The following ARHGAP10 variants were observed in gnomAD, a reference collection of about 807,000 sequenced individuals.
ARHGAP10 encodes the protein Rho GTPase activating protein 10, also known as rho GTPase-activating protein 10.
A neutral mutation model predicts 108.6 loss-of-function variants in ARHGAP10; 87 were observed. That is an observed-to-expected ratio of 0.80 (90% CI 0.67 to 0.96). The LOEUF is 0.96. Among genes scored for constraint, ARHGAP10 ranks in the 40% least tolerant of loss-of-function variants. ARHGAP10 has a pLI of 0.00. For synonymous variants in ARHGAP10, 347 were observed against 341.1 expected, an observed-to-expected ratio of 1.02 and a Z score of -0.19; for missense variants, 939 against 954.5, an observed-to-expected ratio of 0.98 and a Z score of 0.21.
intron 18 of ARHGAP10, among the ~76,000 whole-genome samples, chr4:147,985,306 A>C (rs1739995529): frequency 6.6e-6 from 1 of 152,084 alleles, no homozygotes; most frequent in Admixed American, 6.5e-5. Context: ...CAGGCTACTG[A>C]TCCAGGTGAG....
chr4:148,065,229 GAA>G, intron 22 of ARHGAP10: 1 of 152,222 alleles, frequency 6.6e-6, no homozygotes, highest in Non-Finnish European at 1.5e-5. Flanking sequence ...GAGCTCCTCA[GAA>G]GAGTTCCAGG....
chr4:147,931,313 G>A (rs1284887806), intron 13 of ARHGAP10, among the ~76,000 whole-genome samples: 27 of 145,820 alleles, frequency 1.9e-4, no homozygotes, highest in Non-Finnish European at 2.3e-4. Flanking sequence ...TATTAAGAGA[G>A]AAAAAAAAAA....
At chr4:148,017,861 A>C (rs1741410250) in intron 18 of ARHGAP10, among the ~76,000 whole-genome samples, 1 of 152,126 alleles carries the variant, frequency 6.6e-6, no homozygotes, top group Non-Finnish European at 1.5e-5. Context: ...TATTTCTGGC[A>C]GAAGTGGTGT....
At position 148,023,409 on chromosome 4, in the gene ARHGAP10, A is replaced by C. The variant is rs61758693; in HGVS notation, c.1863A>C (p.Glu621Asp). 2,303 of 1,612,572 alleles carry C rather than the reference A, an allele frequency of 1.4e-3. 22 individuals carry two copies. The African/African-American group carries it at 0.024, about 17-fold the overall frequency. The change falls in exon 19 of 23, where the codon GAA becomes GAC. Residue 621 changes from glutamate to aspartate, a missense_variant. Transcript: ENST00000336498. Reference sequence around the variant, plus strand: ...TCTACAATCTTTGTCTGGAGCTGGAAGATGGTAAGATGTTAATGATATTTT... The same window carrying C: ...TCTACAATCTTTGTCTGGAGCTGGACGATGGTAAGATGTTAATGATATTTT... ...VAVYNLCLEL[E>D]DGDNPYPSKE...
At chr4:147,879,961 C>A (rs17024031) in intron 9 of ARHGAP10, among the ~76,000 whole-genome samples, 1 of 152,120 alleles carries the variant, frequency 6.6e-6, no homozygotes. Context: ...GAGTGATCTA[C>A]GATAAATTTT....
At position 147,966,807 on chromosome 4, in the gene ARHGAP10, G is replaced by A; in HGVS notation, c.1684G>A (p.Val562Ile). Residue 562 changes from valine to isoleucine, a missense_variant, in exon 18 of 23, where the codon GTT becomes ATT. Coordinates refer to ENST00000336498, the MANE Select transcript of ARHGAP10 (RefSeq NM_024605.4). ...ALMDLKFQNI[V>I]VEILIENHEK... ...CATGGACTTGAAGTTTCAGAATATT[G>A]TTGTGGAAATCTTAATTGAAAACCA... 1.3e-6 allele frequency: 2 copies of A among 1,584,714 alleles called. No homozygotes were observed. The highest frequency in any genetic ancestry group is 1.7e-6 in the Non-Finnish European group (2 of 1,161,670).
rs928339574 is a variant in ARHGAP10 at position 147,857,507 on chromosome 4, G to A, written c.385-46G>A. The A allele has an allele frequency of 4.3e-6, 6 of 1,392,642 alleles. No individual in the cohort carries two copies. In the African/African-American group the frequency reaches 4.5e-5, roughly 11 times the overall value. 86.3% of individuals were successfully genotyped at this position (1,392,642 alleles called of 1,614,324 possible). ...GAGCTTCCCAGTGGATTAACCATGT[G>A]TATCCTTTTGTTTCTGTTTAATCAT... On this transcript the variant is annotated intron_variant, in intron 4 of 22. Coordinates refer to ENST00000336498, the MANE Select transcript of ARHGAP10 (RefSeq NM_024605.4).
chr4:148,032,897 C>G (rs1023237532), intron 19 of ARHGAP10, among the ~76,000 whole-genome samples: 2 of 152,128 alleles, frequency 1.3e-5, no homozygotes, highest in African/African-American at 4.8e-5. Flanking sequence ...GTGGAAGATT[C>G]AGCAAGTCAA....
At chr4:147,972,759 C>CTT (rs150559095) in intron 18 of ARHGAP10, among the ~76,000 whole-genome samples, 1 of 145,188 alleles carries the variant, frequency 6.9e-6, no homozygotes, top group African/African-American at 2.5e-5. Flanking sequence ...AGTGACATTT[C>CTT]TTTTTTTTTT....
intron 18 of ARHGAP10, among the ~76,000 whole-genome samples, chr4:147,998,729 A>G (rs890049361): frequency 2.0e-5 from 3 of 152,262 alleles, no homozygotes; most frequent in Non-Finnish European, 2.9e-5. Flanking sequence ...GAAAGTCAGC[A>G]GATTCCTAAA....
chr4:147,908,654 T>A (rs1736603628), intron 11 of ARHGAP10, among the ~76,000 whole-genome samples: 1 of 152,362 alleles, frequency 6.6e-6, no homozygotes, highest in African/African-American at 2.4e-5. Context: ...CTGCTGTACT[T>A]ACTTAAATTA....
intron 13 of ARHGAP10, among the ~76,000 whole-genome samples, chr4:147,936,928 C>T (rs1737974551): frequency 6.6e-6 from 1 of 152,184 alleles, no homozygotes; most frequent in Admixed American, 6.5e-5. Flanking sequence ...AGCTCCGCCT[C>T]CTGTCAGATC....
chr4:147,754,803 T>C (rs571298396), intron 1 of ARHGAP10, among the ~76,000 whole-genome samples: 28 of 152,268 alleles, frequency 1.8e-4, no homozygotes, highest in African/African-American at 6.7e-4. Flanking sequence ...TGAAGAAATA[T>C]TAAAATCCGG....
intron 10 of ARHGAP10, among the ~76,000 whole-genome samples, chr4:147,896,929 T>G (rs947108552): frequency 6.6e-6 from 1 of 152,168 alleles, no homozygotes; most frequent in African/African-American, 2.4e-5. Flanking sequence ...TTTTTCTACT[T>G]AAGTATTCTT....
chr4:147,836,225 A>C (rs761242071), intron 3 of ARHGAP10, among the ~76,000 whole-genome samples: 2 of 152,210 alleles, frequency 1.3e-5, no homozygotes, highest in African/African-American at 2.4e-5. Flanking sequence ...TTGGTGATAC[A>C]TTGACCTTTT....
intron 10 of ARHGAP10, among the ~76,000 whole-genome samples, chr4:147,900,126 T>C (rs1484579287): frequency 2.0e-5 from 3 of 152,182 alleles, no homozygotes; most frequent in Non-Finnish European, 4.4e-5. Context: ...CATGGTTTGA[T>C]AGAGCTATAG....
intron 1 of ARHGAP10, among the ~76,000 whole-genome samples, chr4:147,792,023 C>G (rs561729335): frequency 6.6e-6 from 1 of 152,314 alleles, no homozygotes; most frequent in Non-Finnish European, 1.5e-5. Flanking sequence ...GTGCGTTTCT[C>G]TGGGGACATC....
In ARHGAP10 at chr4:147,915,661, C is replaced by G. The variant is rs558489459; in HGVS notation, c.1228+2522C>G. Among the ~76,000 whole-genome samples, 11 of 152,178 alleles carry G rather than the reference C, an allele frequency of 7.2e-5. No individual in the cohort carries two copies. In the East Asian group the frequency reaches 2.1e-3, roughly 29 times the overall value. On this transcript the variant is annotated intron_variant, in intron 13 of 22. Coordinates refer to ENST00000336498, the MANE Select transcript of ARHGAP10 (RefSeq NM_024605.4). ...GTCTACACATTTTATGTTAGCTTTTCTCATTTAAAAATAAGAGACAAAAAG... is the reference window on the plus strand; with the variant it reads ...GTCTACACATTTTATGTTAGCTTTTGTCATTTAAAAATAAGAGACAAAAAG...
intron 15 of ARHGAP10, among the ~76,000 whole-genome samples, chr4:147,952,479 T>C (rs922023846): frequency 6.6e-6 from 1 of 152,204 alleles, no homozygotes; most frequent in Non-Finnish European, 1.5e-5. Context: ...TGTTTCATTG[T>C]GCTTTTAGTT....
Sources: allele counts gnomAD v4.1 joint callset (sites outside exome capture counted in the v4.1 genomes callset), GRCh38; gene constraint gnomAD v4.1.1; transcripts MANE v1.5; gene names NCBI Gene and HGNC (gene_info 2026-07-23, HGNC 2026-07-21).